OR1B1: variants seen among roughly 807,000 people sequenced by gnomAD.
OR1B1 encodes the protein olfactory receptor 1B1.
For synonymous variants in OR1B1, 168 were observed against 156.2 expected, an observed-to-expected ratio of 1.08 and a Z score of -0.57; for missense variants, 414 against 402.1, an observed-to-expected ratio of 1.03 and a Z score of -0.25.
chr9:122,651,495 T>C, the OR1B1 span, among the ~76,000 whole-genome samples: 1,621 of 152,286 alleles, frequency 0.011, 23 homozygotes, highest in African/African-American at 0.036. Context: ...CAGCCTCTAG[T>C]GTCCTCTGTT....
At chr9:122,650,789 T>TGAGGTG in the OR1B1 span, among the ~76,000 whole-genome samples, 1 of 152,068 alleles carries the variant, frequency 6.6e-6, no homozygotes, top group African/African-American at 2.4e-5. Flanking sequence ...TTTGGGAAGC[T>TGAGGTG]GAGGTGGGCG....
At chr9:122,644,414 G>A in the OR1B1 span, among the ~76,000 whole-genome samples, 1 of 152,250 alleles carries the variant, frequency 6.6e-6, no homozygotes. Flanking sequence ...ACTTTGAATA[G>A]TGGTTTGAGT....
At chr9:122,643,053 G>C in the OR1B1 span, among the ~76,000 whole-genome samples, 15 of 152,244 alleles carry the variant, frequency 9.9e-5, no homozygotes, top group East Asian at 2.9e-3. Context: ...CAAGATGGCA[G>C]AATAGAAGCC....
At chr9:122,652,051 C>A in the OR1B1 span, among the ~76,000 whole-genome samples, 1 of 152,130 alleles carries the variant, frequency 6.6e-6, no homozygotes, top group Admixed American at 6.5e-5. Context: ...TCGCCTTGGC[C>A]TCCCAAAATG....
the OR1B1 span, among the ~76,000 whole-genome samples, chr9:122,647,260 G>C: frequency 6.6e-6 from 1 of 151,916 alleles, no homozygotes; most frequent in Admixed American, 6.6e-5. Flanking sequence ...TGGCCACAAT[G>C]GAATAAAACT....
At chr9:122,649,646 A>G in the OR1B1 span, among the ~76,000 whole-genome samples, 2 of 152,258 alleles carry the variant, frequency 1.3e-5, no homozygotes, top group African/African-American at 2.4e-5. Flanking sequence ...ACATTTGGAA[A>G]AAAGCTCATC....
chr9:122,628,750 A>G (rs1245501977), exon 1 of OR1B1: 1 of 1,613,990 alleles, frequency 6.2e-7, no homozygotes, highest in African/African-American at 1.3e-5. Flanking sequence ...AGTAGACACA[A>G]ATGATGGTGC....
the OR1B1 span, among the ~76,000 whole-genome samples, chr9:122,650,992 T>C: frequency 1.3e-5 from 2 of 151,456 alleles, no homozygotes; most frequent in African/African-American, 4.9e-5. Context: ...GCTACTGCAC[T>C]CCAGCCCAGG....
chr9:122,638,927 T>C, the OR1B1 span, among the ~76,000 whole-genome samples: 1 of 152,210 alleles, frequency 6.6e-6, no homozygotes, highest in East Asian at 1.9e-4. Context: ...CATAACGGAC[T>C]ATATTTCCCC....
the OR1B1 span, among the ~76,000 whole-genome samples, chr9:122,647,188 G>A: frequency 2.0e-5 from 3 of 152,044 alleles, no homozygotes; most frequent in African/African-American, 7.2e-5. Flanking sequence ...TAGACCATAT[G>A]TTAGGTTGCA....
the OR1B1 span, among the ~76,000 whole-genome samples, chr9:122,637,510 T>C: frequency 6.6e-6 from 1 of 152,222 alleles, no homozygotes; most frequent in East Asian, 1.9e-4. Flanking sequence ...ACAGCTCATG[T>C]ACCATCCTTG....
At chr9:122,654,763 G>A in the OR1B1 span, among the ~76,000 whole-genome samples, 10 of 152,142 alleles carry the variant, frequency 6.6e-5, no homozygotes. Flanking sequence ...GTGAGATCGT[G>A]CAGTATTTGT....
exon 1 of OR1B1, chr9:122,629,358 G>A: frequency 1.2e-6 from 2 of 1,614,110 alleles, no homozygotes; most frequent in Non-Finnish European, 1.7e-6. Context: ...TAATACATGG[G>A]TGAGTGCAGT....
the OR1B1 span, among the ~76,000 whole-genome samples, chr9:122,641,922 CAGA>C: frequency 6.6e-6 from 1 of 151,752 alleles, no homozygotes; most frequent in Non-Finnish European, 1.5e-5. Flanking sequence ...AATGAGAAGA[CAGA>C]GGAGCATAAT....
At chr9:122,633,049 A>G (rs936156271), upstream of OR1B1, among the ~76,000 whole-genome samples, 2 of 152,156 alleles carry the variant, frequency 1.3e-5, no homozygotes, top group Non-Finnish European at 2.9e-5. Context: ...CTTATTTACA[A>G]TCATGAGAAC....
chr9:122,653,273 A>G, the OR1B1 span, among the ~76,000 whole-genome samples: 12 of 152,214 alleles, frequency 7.9e-5, no homozygotes, highest in African/African-American at 2.7e-4. Flanking sequence ...CTCACAGTGC[A>G]TCTTTGAGTT....
At chr9:122,644,879 A>T in the OR1B1 span, among the ~76,000 whole-genome samples, 1 of 152,190 alleles carries the variant, frequency 6.6e-6, no homozygotes, top group Non-Finnish European at 1.5e-5. Context: ...CAATGCCCAG[A>T]CACCAGTGAA....
chr9:122,642,530 G>A, the OR1B1 span, among the ~76,000 whole-genome samples: 5 of 151,920 alleles, frequency 3.3e-5, no homozygotes, highest in South Asian at 6.2e-4. Context: ...GCCACCTGGG[G>A]GGAGGTCAGG....
exon 1 of OR1B1, chr9:122,629,365 C>A (rs764045063): frequency 3.7e-6 from 6 of 1,614,012 alleles, no homozygotes; most frequent in Non-Finnish European, 1.7e-6. Context: ...TGGGTGAGTG[C>A]AGTCTGGAGT....
Sources: allele counts gnomAD v4.1 joint callset (sites outside exome capture counted in the v4.1 genomes callset), GRCh38; gene constraint gnomAD v4.1.1; transcripts MANE v1.5; gene names NCBI Gene and HGNC (gene_info 2026-07-23, HGNC 2026-07-21).